The following ARMC9 variants were observed in gnomAD, a reference collection of about 807,000 sequenced individuals.
ARMC9 encodes lisH domain-containing protein ARMC9.
Under a neutral mutation model 107.0 loss-of-function variants are expected in ARMC9, and 94 were observed. The observed-to-expected ratio is 0.88, with a 90% CI of 0.74 to 1.04. The LOEUF (loss-of-function observed/expected upper bound fraction) is 1.04, where lower values mean the gene tolerates loss of function less well. ARMC9 is among the 50% of genes least tolerant of loss of function. The probability of loss-of-function intolerance (pLI) is 0.00; values close to 1 mark genes in which losing one functional copy is unlikely to be tolerated. For synonymous variants in ARMC9, 380 were observed against 396.9 expected (o/e 0.96, Z 0.51); for missense variants, 942 against 1,030.1 (o/e 0.91, Z 1.17).
At chr2:231,284,263 G>A (rs1461489263) in intron 17 of ARMC9, among the ~76,000 whole-genome samples, 1 of 152,188 alleles carries the variant, frequency 6.6e-6, no homozygotes, top group Non-Finnish European at 1.5e-5. Context: ...TAGCCTAGGT[G>A]TGTAGTAGGC....
chr2:231,235,498 C>T, intron 8 of ARMC9, 117 bp downstream of exon 8: 1 of 1,237,730 alleles, frequency 8.1e-7, no homozygotes, highest in Non-Finnish European at 1.1e-6. Context: ...GCCAGTGGCG[C>T]CTGCTGCTCT....
intron 20 of ARMC9, among the ~76,000 whole-genome samples, chr2:231,333,454 T>G (rs2043875511): frequency 6.6e-6 from 1 of 152,126 alleles, no homozygotes; most frequent in Non-Finnish European, 1.5e-5. Context: ...TGCCATTCCT[T>G]AGAACATCTC....
intron 17 of ARMC9, among the ~76,000 whole-genome samples, chr2:231,287,288 C>T (rs530267707): frequency 6.6e-6 from 1 of 152,346 alleles, no homozygotes; most frequent in East Asian, 1.9e-4. Flanking sequence ...GTATTCCCCA[C>T]GCACCTGATC....
At chr2:231,217,130 C>T (rs2033597076) in intron 5 of ARMC9, among the ~76,000 whole-genome samples, 1 of 152,166 alleles carries the variant, frequency 6.6e-6, no homozygotes, top group Admixed American at 6.5e-5. Context: ...TATATTCACA[C>T]AATGGAATAT....
intron 19 of ARMC9, among the ~76,000 whole-genome samples, chr2:231,304,271 C>G (rs1372866961): frequency 6.6e-6 from 1 of 152,190 alleles, no homozygotes; most frequent in African/African-American, 2.4e-5. Context: ...TTTCTTACTT[C>G]CCAATTTCTA....
At chr2:231,272,904 C>T in intron 13 of ARMC9, 51 bp from the exon 14 acceptor site, 1 of 1,592,156 alleles carries the variant, frequency 6.3e-7, no homozygotes, top group Non-Finnish European at 8.6e-7. Flanking sequence ...TGTAGCATAC[C>T]AGATAAATTA....
intron 19 of ARMC9, among the ~76,000 whole-genome samples, chr2:231,326,274 A>G (rs534879617): frequency 7.2e-5 from 11 of 152,298 alleles, no homozygotes; most frequent in African/African-American, 2.4e-4. Context: ...CTCTGTTTCC[A>G]CACCAGGAAA....
rs529592456 is a variant in ARMC9, at chr2:231,240,014, T to C, written c.852T>C (p.His284=). The C allele has an allele frequency of 1.2e-6, 2 of 1,613,800 alleles. No individual in the cohort carries two copies. The highest frequency in any genetic ancestry group is 1.1e-5 in the South Asian group (1 of 90,940). ...FSNQMRQSLA[H]SVDFTRPGTA... is the part of the protein sequence containing the mutation. ...ACCAGATGCGGCAGAGCCTGGCGCA[T>C]AGTGTGGACTTCACGAGGCCTGGGA... Residue 284 remains histidine (H), a synonymous_variant, in exon 9 of 25, where the codon CAT becomes CAC. Transcript: ENST00000611582.
intron 9 of ARMC9, among the ~76,000 whole-genome samples, chr2:231,253,379 T>C (rs1472703661): frequency 6.6e-6 from 1 of 152,080 alleles, no homozygotes; most frequent in Non-Finnish European, 1.5e-5. Context: ...CCTCCCAAAG[T>C]GCTGGGTTTA....
chr2:231,330,384 C>T (rs568092136), intron 19 of ARMC9, among the ~76,000 whole-genome samples: 2 of 152,266 alleles, frequency 1.3e-5, no homozygotes, highest in Admixed American at 6.5e-5. Flanking sequence ...CCCGGAAACC[C>T]ACTACGCCTC....
intron 7 of ARMC9, among the ~76,000 whole-genome samples, chr2:231,229,191 T>A (rs906024999): frequency 8.5e-5 from 13 of 152,084 alleles, no homozygotes; most frequent in Non-Finnish European, 1.6e-4. Context: ...GATTGGAGAT[T>A]CGCATTTTGG....
At chr2:231,210,318 C>T (rs558496340) in intron 3 of ARMC9, among the ~76,000 whole-genome samples, 151 of 152,278 alleles carry the variant, frequency 9.9e-4, no homozygotes, top group African/African-American at 3.5e-3. Flanking sequence ...ACACCTAGAA[C>T]GATATGTTCA....
At chr2:231,311,634 G>T (rs1435911404) in intron 19 of ARMC9, among the ~76,000 whole-genome samples, 1 of 152,052 alleles carries the variant, frequency 6.6e-6, no homozygotes, top group Non-Finnish European at 1.5e-5. Flanking sequence ...GCCAGGTGTG[G>T]TGGCATGCGC....
At chr2:231,248,931 G>T (rs923822553) in intron 9 of ARMC9, among the ~76,000 whole-genome samples, 2 of 152,124 alleles carry the variant, frequency 1.3e-5, no homozygotes, top group African/African-American at 4.8e-5. Context: ...TTGCCTCAAG[G>T]GTTCCATTGT....
chr2:231,329,281 G>C (rs751017593), intron 19 of ARMC9, among the ~76,000 whole-genome samples: 1 of 151,966 alleles, frequency 6.6e-6, no homozygotes, highest in Admixed American at 6.6e-5. Flanking sequence ...ACGAGGTGTG[G>C]TTCTGTATTT....
intron 16 of ARMC9, among the ~76,000 whole-genome samples, chr2:231,279,497 TTTTTTTC>T (rs1361449459): frequency 1.3e-5 from 2 of 148,790 alleles, no homozygotes; most frequent in African/African-American, 5.1e-5. Flanking sequence ...TTTCTTTTCT[TTTTTTTC>T]TTTTTTCTTT....
At chr2:231,310,046 T>C (rs2042248422) in intron 19 of ARMC9, among the ~76,000 whole-genome samples, 1 of 152,138 alleles carries the variant, frequency 6.6e-6, no homozygotes, top group Admixed American at 6.5e-5. Flanking sequence ...CCATACTCGG[T>C]TTAGTGGAGT....
At chr2:231,239,593 C>A (rs948391869) in intron 8 of ARMC9, among the ~76,000 whole-genome samples, 1 of 152,172 alleles carries the variant, frequency 6.6e-6, no homozygotes, top group Non-Finnish European at 1.5e-5. Flanking sequence ...CTCTTTCCCC[C>A]ACATTATGGT....
intron 1 of ARMC9, among the ~76,000 whole-genome samples, chr2:231,200,982 C>T (rs1266809627): frequency 3.9e-5 from 6 of 152,104 alleles, no homozygotes; most frequent in South Asian, 4.1e-4. Context: ...CAACCACAGG[C>T]TTAGGATCCT....
Sources: allele counts gnomAD v4.1 joint callset (sites outside exome capture counted in the v4.1 genomes callset), GRCh38; gene constraint gnomAD v4.1.1; transcripts MANE v1.5; gene names NCBI Gene and HGNC (gene_info 2026-07-23, HGNC 2026-07-21).